The following SPIRE1 variants were observed in gnomAD, a reference collection of about 807,000 sequenced individuals.
SPIRE1 encodes protein spire homolog 1.
A neutral mutation model predicts 94.1 loss-of-function variants in SPIRE1; 40 were observed. The observed-to-expected ratio is 0.43, with a 90% CI of 0.33 to 0.55. SPIRE1 has a LOEUF of 0.55. SPIRE1 is among the 20% of genes least tolerant of loss of function. SPIRE1 has a pLI of 0.06. For synonymous variants in SPIRE1, 376 were observed against 371.7 expected (o/e 1.01, Z -0.13); for missense variants, 838 against 975.2 (o/e 0.86, Z 1.87).
intron 2 of SPIRE1, among the ~76,000 whole-genome samples, chr18:12,625,263 T>A (rs1164435534): frequency 6.6e-6 from 1 of 152,194 alleles, no homozygotes; most frequent in Non-Finnish European, 1.5e-5. Context: ...TACAAACTGA[T>A]TTCCACACCG....
chr18:12,542,967 C>T (rs2035051928), intron 3 of SPIRE1, among the ~76,000 whole-genome samples: 2 of 152,274 alleles, frequency 1.3e-5, no homozygotes, highest in Admixed American at 6.5e-5. Context: ...GCTGGGATTT[C>T]AGGCATGCAC....
At chr18:12,605,729 C>A (rs542423612) in intron 2 of SPIRE1, among the ~76,000 whole-genome samples, 1 of 152,188 alleles carries the variant, frequency 6.6e-6, no homozygotes, top group Non-Finnish European at 1.5e-5. Flanking sequence ...CTCCTAGGTA[C>A]AAAGGAATTA....
chr18:12,558,346 G>C (rs1317858707), intron 2 of SPIRE1, among the ~76,000 whole-genome samples: 1 of 152,204 alleles, frequency 6.6e-6, no homozygotes. Flanking sequence ...CTGGCTTCAG[G>C]AGTGAAGCTG....
intron 1 of SPIRE1, among the ~76,000 whole-genome samples, chr18:12,654,805 G>A (rs1489039135): frequency 1.3e-5 from 2 of 152,050 alleles, no homozygotes; most frequent in East Asian, 1.9e-4. Context: ...CGAGGCAGGC[G>A]GATCATGAGG....
At chr18:12,612,710 C>T (rs2037177707) in intron 2 of SPIRE1, among the ~76,000 whole-genome samples, 2 of 152,218 alleles carry the variant, frequency 1.3e-5, no homozygotes, top group Admixed American at 6.5e-5. Context: ...CCCCTGACTA[C>T]ATATCCTAAC....
chr18:12,622,497 A>G (rs1389452173), intron 2 of SPIRE1, among the ~76,000 whole-genome samples: 2 of 135,880 alleles, frequency 1.5e-5, no homozygotes, highest in African/African-American at 2.7e-5. Context: ...ATCTTGGCTC[A>G]CTGCAAGCTC....
At chr18:12,617,503 C>T (rs1002391248) in intron 2 of SPIRE1, among the ~76,000 whole-genome samples, 1 of 151,646 alleles carries the variant, frequency 6.6e-6, no homozygotes, top group Non-Finnish European at 1.5e-5. Context: ...CCTCTGCCCC[C>T]GGGTTCAAGT....
chr18:12,541,142 G>A (rs549948215), intron 3 of SPIRE1, among the ~76,000 whole-genome samples: 2 of 152,320 alleles, frequency 1.3e-5, no homozygotes, highest in South Asian at 4.1e-4. Flanking sequence ...CCAAGTATAT[G>A]TGGAAATAAT....
intron 4 of SPIRE1, among the ~76,000 whole-genome samples, chr18:12,531,877 G>A (rs918410500): frequency 6.6e-6 from 1 of 152,142 alleles, no homozygotes; most frequent in African/African-American, 2.4e-5. Context: ...CCTCTGCACA[G>A]CACAGGCTCA....
In SPIRE1 at chr18:12,569,536, A is replaced by G. The variant is rs1378877546; in HGVS notation, c.373-22632T>C. 2.6e-5 allele frequency among the ~76,000 whole-genome samples: 4 copies of G among 152,080 alleles called. No homozygotes were observed. In the East Asian group the frequency reaches 7.7e-4, roughly 29 times the overall value. ...CTACCAGAAAAATGACTGAAACATAAGAGTACCTGGACAGGTGACTTTGCA... is the reference window on the plus strand; with the variant it reads ...CTACCAGAAAAATGACTGAAACATAGGAGTACCTGGACAGGTGACTTTGCA... On this transcript the variant is annotated intron_variant, in intron 2 of 16. Transcript: ENST00000409402.
intron 2 of SPIRE1, among the ~76,000 whole-genome samples, chr18:12,590,899 AG>A (rs2036516714): frequency 6.6e-6 from 1 of 152,234 alleles, no homozygotes; most frequent in Admixed American, 6.5e-5. Flanking sequence ...AAATTCACTG[AG>A]GTAGTACTTA....
intron 2 of SPIRE1, among the ~76,000 whole-genome samples, chr18:12,621,452 C>T (rs965633266): frequency 1.3e-5 from 2 of 152,086 alleles, no homozygotes; most frequent in African/African-American, 4.8e-5. Flanking sequence ...TCATAACAGC[C>T]AAAGGGTAGA....
At chr18:12,510,017 G>A (rs779862650) in intron 5 of SPIRE1, among the ~76,000 whole-genome samples, 10 of 151,560 alleles carry the variant, frequency 6.6e-5, no homozygotes, top group East Asian at 1.9e-4. Flanking sequence ...CCCAGGAGGC[G>A]GAGGTTGCAG....
intron 10 of SPIRE1, among the ~76,000 whole-genome samples, chr18:12,478,588 GTA>G (rs1464276805): frequency 1.3e-5 from 2 of 150,552 alleles, no homozygotes; most frequent in East Asian, 3.9e-4. Flanking sequence ...GGGTGTGTAT[GTA>G]TGTGTGTGTG....
chr18:12,482,054 C>G (rs779011209), intron 9 of SPIRE1, among the ~76,000 whole-genome samples: 8 of 152,140 alleles, frequency 5.3e-5, no homozygotes, highest in Non-Finnish European at 1.2e-4. Flanking sequence ...CTCATGCTGG[C>G]CCCACATTTC....
intron 2 of SPIRE1, among the ~76,000 whole-genome samples, chr18:12,593,883 C>T (rs533085327): frequency 5.3e-5 from 8 of 151,426 alleles, no homozygotes; most frequent in Non-Finnish European, 7.4e-5. Flanking sequence ...ACCCGGGAGG[C>T]GGAGCTTGCG....
chr18:12,506,580 T>C lies in SPIRE1; in HGVS notation c.869A>G (p.Gln290Arg). ...LRNGVKLKKV[Q>R]ERQYNPLPIE... ...GGGCAAAGGGTTGTACTGCCGCTCTTGGACCTTCTTAAGTTTTACCCCATT... is the reference window on the plus strand; with the variant it reads ...GGGCAAAGGGTTGTACTGCCGCTCTCGGACCTTCTTAAGTTTTACCCCATT... The change falls in exon 6 of 17, where the codon CAA (glutamine) becomes CGA (arginine). Residue 290 changes from glutamine to arginine, a missense_variant. Gln to Arg is a conservative substitution (Grantham distance 43). Around this residue, in one of 2 missense-constraint regions of SPIRE1, gnomAD observed 645 missense variants for 804.7 expected, o/e 0.80. Coordinates refer to ENST00000409402, the MANE Select transcript of SPIRE1 (RefSeq NM_001128626.2). 6.2e-7 allele frequency: 1 copy of C among 1,614,160 alleles called. No individual in the cohort carries two copies. The highest frequency in any genetic ancestry group is 1.1e-5 in the South Asian group (1 of 91,084).
intron 9 of SPIRE1, among the ~76,000 whole-genome samples, chr18:12,480,217 GA>G (rs2032788104): frequency 6.6e-6 from 1 of 152,228 alleles, no homozygotes; most frequent in Admixed American, 6.5e-5. Context: ...ATGTATGGAT[GA>G]AGAGAGGACA....
At chr18:12,611,437 A>T (rs1276603831) in intron 2 of SPIRE1, among the ~76,000 whole-genome samples, 1 of 152,240 alleles carries the variant, frequency 6.6e-6, no homozygotes, top group African/African-American at 2.4e-5. Context: ...CTATATAGTA[A>T]GTAAGAAACT....
Sources: gnomAD v4.1 joint callset for allele counts (sites outside exome capture counted in the v4.1 genomes callset) on GRCh38, gnomAD v4.1.1 for gene constraint, gnomAD v4.1.1 regional missense constraint, MANE v1.5 for transcripts, NCBI Gene and HGNC (gene_info 2026-07-23, HGNC 2026-07-21) for gene names.